The following KIRREL3 variants were observed in gnomAD, a reference collection of about 807,000 sequenced individuals.
The protein encoded by KIRREL3 is kirre like nephrin family adhesion molecule 3.
KIRREL3 carries 36 observed loss-of-function variants against 89.7 expected under a neutral mutation model. The observed-to-expected ratio is 0.40, with a 90% CI of 0.31 to 0.53. The LOEUF is 0.53. Ranked by LOEUF, KIRREL3 falls within the 20% of genes least tolerant of loss-of-function variation. The pLI is 0.49. For synonymous variants in KIRREL3, 445 were observed against 441.4 expected (o/e 1.01, Z -0.10); for missense variants, 864 against 1,056.6 (o/e 0.82, Z 2.53).
At position 126,870,287 on chromosome 11, in the gene KIRREL3, T is replaced by C. The variant is rs531861116; in HGVS notation, c.55+130168A>G. On this transcript the variant is annotated intron_variant, in intron 1 of 16. Coordinates refer to ENST00000525144, the MANE Select transcript of KIRREL3 (RefSeq NM_032531.4). This position sits in a 1 kb window ranked among gnomAD's most constrained non-coding sequence, Gnocchi z 4.4. Reference sequence around the variant, plus strand: ...CAAGATGCCAGGGCTGCCTGTGCCATGTACTGCAAGACAGCTGGGATTGTC... The same window carrying C: ...CAAGATGCCAGGGCTGCCTGTGCCACGTACTGCAAGACAGCTGGGATTGTC... Among the ~76,000 whole-genome samples, 1 of 152,284 alleles carries C rather than the reference T, an allele frequency of 6.6e-6. No homozygotes were observed. The highest frequency in any genetic ancestry group is 2.1e-4 in the South Asian group (1 of 4,812).
At chr11:126,939,343 A>T (rs1447052250) in intron 1 of KIRREL3, among the ~76,000 whole-genome samples, 1 of 152,138 alleles carries the variant, frequency 6.6e-6, no homozygotes, top group Admixed American at 6.5e-5. Flanking sequence ...GTCCTCCCCC[A>T]TCAAAGACAA....
Position 126,495,924 on chromosome 11 carries a change from T to C in KIRREL3, c.434-22458A>G, listed in dbSNP as rs930295374. On this transcript the variant is annotated intron_variant, in intron 4 of 16. Transcript: ENST00000525144. The surrounding 1 kb of genome is among the most constrained non-coding windows in gnomAD (Gnocchi z 6.5). ...CTCTCGTATCCTAATTGCTGTGGGC[T>C]CCACCTTTGAAACATGCACAGATCA... is the stretch of plus-strand genomic sequence containing the variant. Among the ~76,000 whole-genome samples, 1 of 152,214 alleles carries C rather than the reference T, an allele frequency of 6.6e-6. No individual in the cohort carries two copies. Among genetic ancestry groups the C allele is most frequent in the Non-Finnish European group, 1.5e-5 (1 of 68,038 alleles).
At position 126,587,325 on chromosome 11, in the gene KIRREL3, T is replaced by C. The variant is rs1350537883; in HGVS notation, c.56-24413A>G. ...TCAGAAAGAACACACTCTGCTCCGG[T>C]GATGGCATGTTTGGTCTGGCCTGGA... On this transcript the variant is annotated intron_variant, in intron 1 of 16. Coordinates refer to ENST00000525144, the MANE Select transcript of KIRREL3 (RefSeq NM_032531.4). This position sits in a 1 kb window ranked among gnomAD's most constrained non-coding sequence, Gnocchi z 5.2. Among the ~76,000 whole-genome samples the C allele has an allele frequency of 6.6e-6, 1 of 152,112 alleles. No individual in the cohort carries two copies. Among genetic ancestry groups the C allele is most frequent in the East Asian group, 1.9e-4 (1 of 5,188 alleles).
rs536229581 is a variant in KIRREL3, at chr11:126,703,694, G to A, written c.56-140782C>T. On this transcript the variant is annotated intron_variant, in intron 1 of 16. Transcript: ENST00000525144. The surrounding 1 kb of genome is among the most constrained non-coding windows in gnomAD (Gnocchi z 4.6). Reference sequence around the variant, plus strand: ...CTGAGGCCCACGGGCAGGGGAGGCAGGACTCCTAAGCCTGGGCCCTCTGAC... The same window carrying A: ...CTGAGGCCCACGGGCAGGGGAGGCAAGACTCCTAAGCCTGGGCCCTCTGAC... Among the ~76,000 whole-genome samples, 1 of 152,336 alleles carries A rather than the reference G, an allele frequency of 6.6e-6. No individual in the cohort carries two copies. The highest frequency in any genetic ancestry group is 2.1e-4 in the South Asian group (1 of 4,824).
chr11:126,816,077 G>C (rs1183923176), intron 1 of KIRREL3, among the ~76,000 whole-genome samples: 1 of 152,176 alleles, frequency 6.6e-6, no homozygotes, highest in Non-Finnish European at 1.5e-5. Context: ...GCCATTGCTA[G>C]TTCTAGTGAT....
Position 126,763,696 on chromosome 11 carries a change from G to A in KIRREL3, c.56-200784C>T, listed in dbSNP as rs114012939. ...TGCATGACCTTCAATGAGTTCCCAC[G>A]CTTTTGAGCCTTTGTTTTCTCACTT... On this transcript the variant is annotated intron_variant, in intron 1 of 16. Coordinates refer to ENST00000525144, the MANE Select transcript of KIRREL3 (RefSeq NM_032531.4). The surrounding 1 kb of genome is among the most constrained non-coding windows in gnomAD (Gnocchi z 4.7). Among the ~76,000 whole-genome samples, 1,235 of 152,208 alleles carry A rather than the reference G, an allele frequency of 8.1e-3. 13 individuals are homozygous for A. Among genetic ancestry groups the A allele is most frequent in the South Asian group, 0.025 (120 of 4,816 alleles).
At chr11:126,440,877 T>G in intron 10 of KIRREL3, 1 of 373,506 alleles carries the variant, frequency 2.7e-6, no homozygotes, top group Non-Finnish European at 5.0e-6. Flanking sequence ...AGAATAATTC[T>G]ATCTGGCGGA....
At chr11:126,464,043 T>A (rs1175788241) in intron 5 of KIRREL3, among the ~76,000 whole-genome samples, 4 of 152,154 alleles carry the variant, frequency 2.6e-5, no homozygotes, top group Non-Finnish European at 4.4e-5. Context: ...GCAGGTTGAA[T>A]GGTGTCCTCT....
intron 5 of KIRREL3, among the ~76,000 whole-genome samples, chr11:126,472,725 A>AGAG (rs1333255173): frequency 2.6e-5 from 4 of 152,004 alleles, no homozygotes; most frequent in Non-Finnish European, 5.9e-5. Flanking sequence ...AGAGAGAGAG[A>AGAG]GAGAGAGCAC....
intron 1 of KIRREL3, among the ~76,000 whole-genome samples, chr11:126,856,465 T>C (rs1183692953): frequency 6.6e-6 from 1 of 151,726 alleles, no homozygotes; most frequent in Admixed American, 6.6e-5. Context: ...CAGACAAGTA[T>C]AAAATTAAAA....
At position 126,608,230 on chromosome 11, in the gene KIRREL3, C is replaced by A. The variant is rs114930823; in HGVS notation, c.56-45318G>T. On this transcript the variant is annotated intron_variant, in intron 1 of 16. Coordinates refer to ENST00000525144, the MANE Select transcript of KIRREL3 (RefSeq NM_032531.4). This position sits in a 1 kb window ranked among gnomAD's most constrained non-coding sequence, Gnocchi z 4.9. ...AAAAGCAGGAGGCAGCTGAAGGGGG[C>A]GGTCTCAGAAGCCCCCGCTGGGAGC... 1.3e-5 allele frequency among the ~76,000 whole-genome samples: 2 copies of A among 152,140 alleles called. No individual in the cohort carries two copies. Among genetic ancestry groups the A allele is most frequent in the African/African-American group, 4.8e-5 (2 of 41,442 alleles).
intron 1 of KIRREL3, among the ~76,000 whole-genome samples, chr11:126,726,804 C>A (rs534406304): frequency 6.6e-6 from 1 of 152,222 alleles, no homozygotes; most frequent in African/African-American, 2.4e-5. Flanking sequence ...GCATGCCATG[C>A]GTTCTTGTGC....
At chr11:126,803,754 T>A (rs1029658025) in intron 1 of KIRREL3, among the ~76,000 whole-genome samples, 3 of 151,836 alleles carry the variant, frequency 2.0e-5, no homozygotes, top group African/African-American at 7.3e-5. Context: ...GTACATGGGG[T>A]TTTTACCTCT....
At chr11:126,625,112 A>G (rs1411522148) in intron 1 of KIRREL3, among the ~76,000 whole-genome samples, 1 of 152,158 alleles carries the variant, frequency 6.6e-6, no homozygotes, top group African/African-American at 2.4e-5. Context: ...CAGCAAAACT[A>G]CTATCTAATC....
At chr11:126,713,199 G>T (rs1453152926) in intron 1 of KIRREL3, among the ~76,000 whole-genome samples, 1 of 152,202 alleles carries the variant, frequency 6.6e-6, no homozygotes, top group African/African-American at 2.4e-5. Flanking sequence ...TTTAGGGTAC[G>T]GACTGATGCT....
rs540688824 is a variant in KIRREL3 at position 126,766,505 on chromosome 11, C to T, written c.56-203593G>A. On this transcript the variant is annotated intron_variant, in intron 1 of 16. Coordinates refer to ENST00000525144, the MANE Select transcript of KIRREL3 (RefSeq NM_032531.4). The surrounding 1 kb of genome is among the most constrained non-coding windows in gnomAD (Gnocchi z 4.2). ...ATTAAAAAGGTAAGTGAGCACACAA[C>T]CGCGTGTTGCTAACTCGGCAAACAG... is the stretch of plus-strand genomic sequence containing the variant. 6.6e-6 allele frequency among the ~76,000 whole-genome samples: 1 copy of T among 152,248 alleles called. No individual in the cohort carries two copies. The highest frequency in any genetic ancestry group is 1.9e-4 in the East Asian group (1 of 5,172).
At position 126,522,084 on chromosome 11, in the gene KIRREL3, G is replaced by A. The variant is rs1275769449; in HGVS notation, c.284-620C>T. ...TGGTTTCAAGTTTAGGAAAATCGGA[G>A]GAGCCACTGTTAGAAAGGAAAGAGG... On this transcript the variant is annotated intron_variant, in intron 3 of 16. Coordinates refer to ENST00000525144, the MANE Select transcript of KIRREL3 (RefSeq NM_032531.4). This position sits in a 1 kb window ranked among gnomAD's most constrained non-coding sequence, Gnocchi z 6.0. Among the ~76,000 whole-genome samples, 1 of 152,062 alleles carries A rather than the reference G, an allele frequency of 6.6e-6. No individual in the cohort carries two copies. Among genetic ancestry groups the A allele is most frequent in the Non-Finnish European group, 1.5e-5 (1 of 68,026 alleles).
At position 126,568,884 on chromosome 11, in the gene KIRREL3, C is replaced by T. The variant is rs1429693690; in HGVS notation, c.56-5972G>A. Among the ~76,000 whole-genome samples the T allele has an allele frequency of 6.6e-6, 1 of 151,896 alleles. No homozygotes were observed. ...TGGAGATGCAGAGAGGTGGAGTGAG[C>T]TCTCCAGGGTGATATAATGAGCTAT... On this transcript the variant is annotated intron_variant, in intron 1 of 16. Transcript: ENST00000525144. This position sits in a 1 kb window ranked among gnomAD's most constrained non-coding sequence, Gnocchi z 4.6.
Position 126,641,363 on chromosome 11 carries a change from G to A in KIRREL3, c.56-78451C>T, listed in dbSNP as rs1944461612. Among the ~76,000 whole-genome samples, 1 of 151,668 alleles carries A rather than the reference G, an allele frequency of 6.6e-6. No homozygotes were observed. Among genetic ancestry groups the A allele is most frequent in the African/African-American group, 2.4e-5 (1 of 41,260 alleles). On this transcript the variant is annotated intron_variant, in intron 1 of 16. Transcript: ENST00000525144. The surrounding 1 kb of genome is among the most constrained non-coding windows in gnomAD (Gnocchi z 5.0). The stretch of plus-strand genomic sequence containing the variant: ...TAGCAGGGTCTCTACTCCAGGCCTT[G>A]TCTCTGAAGAGCCTCTTGGTGGTCA...
Sources: gnomAD v4.1 joint callset for allele counts (sites outside exome capture counted in the v4.1 genomes callset) on GRCh38, gnomAD v4.1.1 for gene constraint, Gnocchi (gnomAD v3.1) non-coding constraint, MANE v1.5 for transcripts, NCBI Gene and HGNC (gene_info 2026-07-23, HGNC 2026-07-21) for gene names.